The following NASP variants were observed in gnomAD, a reference collection of about 807,000 sequenced individuals.
The protein encoded by NASP is NASP histone chaperone.
A neutral mutation model predicts 89.5 loss-of-function variants in NASP; 24 were observed. That is an observed-to-expected ratio of 0.27 (90% CI 0.19 to 0.38). The LOEUF (loss-of-function observed/expected upper bound fraction) is 0.38. Among genes scored for constraint, NASP ranks in the 10% least tolerant of loss-of-function variants. NASP has a pLI of 1.00. For missense variants in NASP, 848 were observed against 921.4 expected (o/e 0.92, Z 1.03); for synonymous variants, 306 against 324.7 (o/e 0.94, Z 0.62).
chr1:45,587,665 T>TAC (rs1472423336), intron 1 of NASP, among the ~76,000 whole-genome samples: 1 of 50,332 alleles, frequency 2.0e-5, no homozygotes, highest in South Asian at 8.4e-4. Flanking sequence ...TTTTTTCATA[T>TAC]ATATATATAT....
Position 45,584,081 on chromosome 1 carries a change from G to A in NASP, c.-66G>A, listed in dbSNP as rs180872785. The A allele has an allele frequency of 2.8e-6, 4 of 1,451,170 alleles. No individual in the cohort carries two copies. The highest frequency in any genetic ancestry group is 2.0e-5 in the Admixed American group (1 of 50,100). The allele number at this position is 1,451,170 out of a possible 1,614,324, so 89.9% of individuals were successfully genotyped here. On this transcript the variant is annotated 5_prime_UTR_variant, in exon 1 of 15. Transcript: ENST00000350030. ...TTCTGTCCCTGAGTGAGTCTCTGGC[G>A]TCCCAAATTGCCTGTTTTTCTCGCA...
At chr1:45,596,008 A>G (rs1643686563) in intron 2 of NASP, among the ~76,000 whole-genome samples, 1 of 152,248 alleles carries the variant, frequency 6.6e-6, no homozygotes, top group African/African-American at 2.4e-5. Context: ...TGACCAACAG[A>G]CAAACTTTTA....
At chr1:45,597,174 G>A (rs1024670868) in intron 2 of NASP, among the ~76,000 whole-genome samples, 4 of 151,900 alleles carry the variant, frequency 2.6e-5, no homozygotes, top group African/African-American at 4.8e-5. Flanking sequence ...GGGTGTGGTG[G>A]TGCCCGCTTT....
At chr1:45,587,674 A>ATG (rs924428354) in intron 1 of NASP, among the ~76,000 whole-genome samples, 2 of 76,778 alleles carry the variant, frequency 2.6e-5, no homozygotes, top group South Asian at 5.0e-4. Flanking sequence ...ATATATATAT[A>ATG]TATATATATA....
chr1:45,584,326 T>A, intron 1 of NASP, 121 bp downstream of exon 1: 1 of 809,666 alleles, frequency 1.2e-6, no homozygotes, highest in Non-Finnish European at 1.9e-6. Flanking sequence ...AGAGCAGCTG[T>A]CGCTGTTCGG....
chr1:45,616,294 G>T lies in NASP; in HGVS notation c.2023-43G>T, dbSNP rs377365995. On this transcript the variant is annotated intron_variant, in intron 11 of 14. Coordinates refer to ENST00000350030, the MANE Select transcript of NASP (RefSeq NM_002482.4). ...CCTGTTACAAGGCTGTGGGCGGCCT[G>T]GGTTCTATCTTCAAACTAATTTGGA... 700 of 1,589,546 alleles carry T rather than the reference G, an allele frequency of 4.4e-4. 1 individual carries two copies. The highest frequency in any genetic ancestry group is 5.7e-4 in the Non-Finnish European group (663 of 1,157,724).
chr1:45,595,062 C>G (rs1387517472), intron 2 of NASP, among the ~76,000 whole-genome samples: 1 of 151,390 alleles, frequency 6.6e-6, no homozygotes. Flanking sequence ...GGTCCTGATC[C>G]TGGCTTGGTG....
At chr1:45,588,402 G>A (rs1189099034) in intron 1 of NASP, among the ~76,000 whole-genome samples, 3 of 152,026 alleles carry the variant, frequency 2.0e-5, no homozygotes, top group Admixed American at 1.3e-4. Context: ...CCGTGCCCAG[G>A]CTACACTTCT....
chr1:45,611,992 C>G (rs1292044525), intron 6 of NASP: 1 of 150,688 alleles, frequency 6.6e-6, no homozygotes, highest in African/African-American at 2.4e-5. Flanking sequence ...TCCCAAGTAG[C>G]TGGGACTACA....
At chr1:45,596,436 C>G (rs1643696776) in intron 2 of NASP, among the ~76,000 whole-genome samples, 1 of 152,136 alleles carries the variant, frequency 6.6e-6, no homozygotes, top group Admixed American at 6.6e-5. Context: ...ACTTTAGGTA[C>G]CTCGTATAAA....
Position 45,618,428 on chromosome 1 carries a change from A to G in NASP, c.*287A>G. ...GTGTGGCTGTAGGCCTTTGTTTTCC[A>G]ATGGTGCTATATTCTGTTTTCAAAC... On this transcript the variant is annotated 3_prime_UTR_variant, in exon 15 of 15. Transcript: ENST00000350030. The G allele has an allele frequency of 3.9e-6, 1 of 255,128 alleles. No homozygotes were observed. The highest frequency in any genetic ancestry group is 7.7e-6 in the Non-Finnish European group (1 of 129,056). The allele number at this position is 255,128 out of a possible 1,614,324, so 15.8% of individuals were successfully genotyped here. A position where few individuals can be genotyped will look rare whatever the true frequency, so the allele number is the denominator to read the frequency against.
intron 2 of NASP, among the ~76,000 whole-genome samples, chr1:45,601,815 G>A (rs1384105336): frequency 7.5e-6 from 1 of 133,848 alleles, no homozygotes; most frequent in African/African-American, 2.8e-5. Flanking sequence ...GAGTGCAGTG[G>A]CGCATCTCAG....
Position 45,605,018 on chromosome 1 carries a change from T to A in NASP, c.299+2T>A. 6.2e-7 allele frequency: 1 copy of A among 1,604,338 alleles called. No individual in the cohort carries two copies. On this transcript the variant is annotated splice_donor_variant, in intron 4 of 14. Coordinates refer to ENST00000350030, the MANE Select transcript of NASP (RefSeq NM_002482.4). LOFTEE classifies it high-confidence loss of function. ...GAAATCACTTCTGGAGTTGGCAAGGTATGGATGTTGTATTTAAAAACTGAA... is the reference window on the plus strand; with the variant it reads ...GAAATCACTTCTGGAGTTGGCAAGGAATGGATGTTGTATTTAAAAACTGAA...
chr1:45,599,911 T>C (rs1643794835), intron 2 of NASP, among the ~76,000 whole-genome samples: 1 of 152,096 alleles, frequency 6.6e-6, no homozygotes, highest in Non-Finnish European at 1.5e-5. Flanking sequence ...TTTAGAGCTT[T>C]GAACTTACTA....
At position 45,614,340 on chromosome 1, in the gene NASP, A is replaced by T; in HGVS notation, c.1640A>T (p.Lys547Ile). The T allele has an allele frequency of 6.2e-7, 1 of 1,613,968 alleles. No homozygotes were observed. The highest frequency in any genetic ancestry group is 8.5e-7 in the Non-Finnish European group (1 of 1,179,826). The change falls in exon 9 of 15, where the codon AAA becomes ATA. Residue 547 changes from lysine (K) to isoleucine (I), a missense_variant. By Grantham distance (102) the Lys-to-Ile change is moderately radical (BLOSUM62 -3). Around this residue, in one of 5 missense-constraint regions of NASP, gnomAD observed 60 missense variants for 114.6 expected, o/e 0.52. Transcript: ENST00000350030. The part of the protein sequence containing the change: ...AQLYAAQAHL[K>I]LGEVSVESEN... ...CTTTATGCTGCCCAGGCACATCTTA[A>T]ACTCGGAGAAGTTAGTGTTGAATCT...
At position 45,588,610 on chromosome 1, in the gene NASP, A is replaced by G. The variant is rs1422793187; in HGVS notation, c.60-2613A>G. 6.6e-6 allele frequency: 3 copies of G among 453,670 alleles called. No individual in the cohort carries two copies. In the Admixed American group the frequency reaches 7.1e-5, roughly 11 times the overall value. 28.1% of individuals were successfully genotyped at this position (453,670 alleles called of 1,614,324 possible). A position where few individuals can be genotyped will look rare whatever the true frequency, so the allele number is the denominator to read the frequency against. Reference sequence around the variant, plus strand: ...CCCTATCTTTGACTATTCGATGGGTAAAACATACTTTCTAAGTATAGTTTT... The same window carrying G: ...CCCTATCTTTGACTATTCGATGGGTGAAACATACTTTCTAAGTATAGTTTT... On this transcript the variant is annotated intron_variant, in intron 1 of 14. Coordinates refer to ENST00000350030, the MANE Select transcript of NASP (RefSeq NM_002482.4).
rs920372060 is a variant in NASP, at chr1:45,608,278, T to C, written c.1367T>C (p.Val456Ala). The C allele has an allele frequency of 6.2e-6, 10 of 1,613,544 alleles. No individual in the cohort carries two copies. Among genetic ancestry groups the C allele is most frequent in the Non-Finnish European group, 6.8e-6 (8 of 1,179,756 alleles). Residue 456 changes from valine (V) to alanine (A), a missense_variant, in exon 6 of 15, where the codon GTT (valine) becomes GCT (alanine). By Grantham distance (64) the Val-to-Ala change is moderately conservative (BLOSUM62 0). Coordinates refer to ENST00000350030, the MANE Select transcript of NASP (RefSeq NM_002482.4). ...ACTGAGAAATCACCTGAAGACAAAG[T>C]TCAGATAGCTGCTAATGAAGAGACA... ...GATEKSPEDK[V>A]QIAANEETQE...
At chr1:45,614,935 A>G in intron 9 of NASP, 78 bp from the exon 10 acceptor site, 2 of 1,249,776 alleles carry the variant, frequency 1.6e-6, no homozygotes, top group Non-Finnish European at 1.1e-6. Flanking sequence ...GTGCATTCCC[A>G]TAGGATGGGT....
At position 45,602,251 on chromosome 1, in the gene NASP, G is replaced by T; in HGVS notation, c.108-4G>T. The T allele has an allele frequency of 6.2e-7, 1 of 1,600,610 alleles. No individual in the cohort carries two copies. The highest frequency in any genetic ancestry group is 1.8e-5 in the Admixed American group (1 of 55,794). On this transcript the variant is annotated splice_region_variant and splice_polypyrimidine_tract_variant and intron_variant, in intron 2 of 14. Transcript: ENST00000350030. ...TGACACTAGAAAAAATCTTTTTTTT[G>T]CAGTCTGGATGTGGATAGTGAAGCT... is the stretch of plus-strand genomic sequence containing the variant.
Sources: gnomAD v4.1 joint callset for allele counts (sites outside exome capture counted in the v4.1 genomes callset) on GRCh38, gnomAD v4.1.1 for gene constraint, gnomAD v4.1.1 regional missense constraint, MANE v1.5 for transcripts, NCBI Gene and HGNC (gene_info 2026-07-23, HGNC 2026-07-21) for gene names.